The following LRMDA variants were observed in gnomAD, a reference collection of about 807,000 sequenced individuals.
LRMDA encodes leucine-rich melanocyte differentiation-associated protein.
In LRMDA, 18 loss-of-function variants were observed where a neutral mutation model predicts 29.8. The observed-to-expected ratio is 0.60, with a 90% CI of 0.42 to 0.90. The LOEUF (loss-of-function observed/expected upper bound fraction) is 0.90, where lower values mean the gene tolerates loss of function less well. Ranked by LOEUF, LRMDA falls within the 40% of genes least tolerant of loss-of-function variation. The pLI, the probability that LRMDA is intolerant of heterozygous loss-of-function variation, is 0.00. For synonymous variants in LRMDA, 125 were observed against 109.4 expected (o/e 1.14, Z -0.89); for missense variants, 273 against 273.9 (o/e 1.00, Z 0.02).
chr10:76,451,386 C>T (rs1455393861), intron 6 of LRMDA, among the ~76,000 whole-genome samples: 2 of 151,432 alleles, frequency 1.3e-5, no homozygotes, highest in South Asian at 2.1e-4. Context: ...GTTATATTTT[C>T]AGTACAGACG....
intron 2 of LRMDA, among the ~76,000 whole-genome samples, chr10:75,550,420 G>A (rs902824542): frequency 3.9e-5 from 6 of 152,170 alleles, no homozygotes; most frequent in East Asian, 3.9e-4. Flanking sequence ...GATGAACTGA[G>A]TCTTTGTTCC....
chr10:75,549,668 AT>A, intron 2 of LRMDA, among the ~76,000 whole-genome samples: 1 of 152,288 alleles, frequency 6.6e-6, no homozygotes, highest in East Asian at 1.9e-4. Context: ...TTTATGCACA[AT>A]TAATTCCCTT....
chr10:75,541,359 T>A (rs915716550), intron 2 of LRMDA, among the ~76,000 whole-genome samples: 1 of 152,020 alleles, frequency 6.6e-6, no homozygotes, highest in African/African-American at 2.4e-5. Context: ...GGAATATTTG[T>A]TTTTAAGTCA....
At chr10:75,828,268 A>G (rs1293348112) in intron 2 of LRMDA, among the ~76,000 whole-genome samples, 1 of 152,216 alleles carries the variant, frequency 6.6e-6, no homozygotes, top group Non-Finnish European at 1.5e-5. Flanking sequence ...TTTTTGCTGC[A>G]TAAATATTAT....
intron 5 of LRMDA, among the ~76,000 whole-genome samples, chr10:76,114,078 C>T (rs577362946): frequency 9.5e-4 from 144 of 152,254 alleles, no homozygotes; most frequent in African/African-American, 3.3e-3. Context: ...ATTCCTTTCT[C>T]CCTGACATCT....
At chr10:75,604,506 T>C (rs1322410858) in intron 2 of LRMDA, among the ~76,000 whole-genome samples, 1 of 152,230 alleles carries the variant, frequency 6.6e-6, no homozygotes, top group African/African-American at 2.4e-5. Context: ...CCGGCAACTG[T>C]TCTGAAGTTT....
chr10:75,961,112 A>G (rs948347447), intron 2 of LRMDA, among the ~76,000 whole-genome samples: 4 of 152,198 alleles, frequency 2.6e-5, no homozygotes, highest in African/African-American at 7.2e-5. Context: ...TCTCTCCCAT[A>G]TCTTTTCTCT....
At chr10:75,700,408 C>A in intron 2 of LRMDA, among the ~76,000 whole-genome samples, 1 of 150,772 alleles carries the variant, frequency 6.6e-6, no homozygotes. Context: ...AATATAATTG[C>A]CTATAAAATC....
At chr10:75,859,045 T>C (rs1051751302) in intron 2 of LRMDA, among the ~76,000 whole-genome samples, 1 of 152,278 alleles carries the variant, frequency 6.6e-6, no homozygotes, top group African/African-American at 2.4e-5. Context: ...TACATGTAAA[T>C]ATACTTGCAC....
At chr10:76,557,125 C>A in intron 6 of LRMDA, 84 bp from the exon 7 acceptor site, 2 of 1,073,474 alleles carry the variant, frequency 1.9e-6, no homozygotes, top group Non-Finnish European at 2.9e-6. Context: ...CTATGATTAT[C>A]TTGCATGTCT....
At chr10:76,451,816 C>A (rs1229771516) in intron 6 of LRMDA, among the ~76,000 whole-genome samples, 1 of 151,958 alleles carries the variant, frequency 6.6e-6, no homozygotes, top group Non-Finnish European at 1.5e-5. Flanking sequence ...TGCCACCACA[C>A]CCAGCAAATT....
chr10:76,376,521 T>C (rs1363227952), intron 6 of LRMDA, among the ~76,000 whole-genome samples: 2 of 152,228 alleles, frequency 1.3e-5, no homozygotes, highest in East Asian at 3.8e-4. Context: ...AATAGTACTG[T>C]GATAAACATA....
At chr10:75,783,097 G>A in intron 2 of LRMDA, 2 of 1,562,158 alleles carry the variant, frequency 1.3e-6, no homozygotes. Flanking sequence ...CAATGATGAA[G>A]GCTGGCTGTC....
intron 6 of LRMDA, among the ~76,000 whole-genome samples, chr10:76,554,486 T>C (rs763135380): frequency 1.7e-4 from 26 of 152,228 alleles, no homozygotes; most frequent in Non-Finnish European, 2.9e-4. Context: ...CAAGAGATCA[T>C]TGACAATATT....
chr10:75,432,489 C>A (rs1034321503), intron 1 of LRMDA, among the ~76,000 whole-genome samples: 4 of 152,220 alleles, frequency 2.6e-5, no homozygotes, highest in African/African-American at 9.7e-5. Context: ...GAGGGATGAA[C>A]CCAGCCACTC....
At chr10:76,121,562 T>C (rs1221610131) in intron 5 of LRMDA, among the ~76,000 whole-genome samples, 2 of 152,208 alleles carry the variant, frequency 1.3e-5, no homozygotes, top group African/African-American at 2.4e-5. Flanking sequence ...TCCTGACACC[T>C]GAGAGGGTTG....
intron 2 of LRMDA, among the ~76,000 whole-genome samples, chr10:75,931,663 C>A (rs1846207740): frequency 6.6e-6 from 1 of 152,150 alleles, no homozygotes; most frequent in Non-Finnish European, 1.5e-5. Flanking sequence ...GAAGTCCACC[C>A]AAGAATGCTG....
chr10:75,466,557 G>T (rs995752964), intron 2 of LRMDA, among the ~76,000 whole-genome samples: 1 of 152,090 alleles, frequency 6.6e-6, no homozygotes, highest in African/African-American at 2.4e-5. Context: ...TTCATCCACC[G>T]AAGCCATCTC....
chr10:76,160,011 G>A (rs1210073344), intron 5 of LRMDA, among the ~76,000 whole-genome samples: 1 of 152,034 alleles, frequency 6.6e-6, no homozygotes, highest in Non-Finnish European at 1.5e-5. Context: ...GAACTCTAAT[G>A]TAAACTATGA....
Sources: allele counts gnomAD v4.1 joint callset (sites outside exome capture counted in the v4.1 genomes callset), GRCh38; gene constraint gnomAD v4.1.1; transcripts MANE v1.5; gene names NCBI Gene and HGNC (gene_info 2026-07-23, HGNC 2026-07-21).